FBXL18: variants seen among roughly 807,000 people sequenced by gnomAD.
The protein encoded by FBXL18 is F-box/LRR-repeat protein 18.
A neutral mutation model predicts 46.0 loss-of-function variants in FBXL18; 36 were observed. The ratio of observed to expected loss-of-function variants is 0.78; its 90% CI spans 0.60 to 1.03. FBXL18 has a LOEUF of 1.03. FBXL18 is among the 50% of genes least tolerant of loss of function. The probability of loss-of-function intolerance (pLI) is 0.00; values close to 1 mark genes in which losing one functional copy is unlikely to be tolerated. For missense variants in FBXL18, 977 were observed against 1,004.1 expected, an observed-to-expected ratio of 0.97 and a Z score of 0.36; for synonymous variants, 557 against 465.3, an observed-to-expected ratio of 1.20 and a Z score of -2.54.
Position 5,509,596 on chromosome 7 carries a change from G to T in FBXL18, c.19-3966C>A, listed in dbSNP as rs541762169. Among the ~76,000 whole-genome samples the T allele has an allele frequency of 4.4e-4, 67 of 151,652 alleles. 1 individual carries two copies. The highest frequency in any genetic ancestry group is 1.6e-3 in the African/African-American group (65 of 41,294). On this transcript the variant is annotated intron_variant, in intron 1 of 4. Coordinates refer to ENST00000382368, the MANE Select transcript of FBXL18 (RefSeq NM_024963.6). ...TCCACAGCAACTATCCAGCAACTCG[G>T]GGGGCTGAGGCAGAAGAATCGCTTG...
intron 2 of FBXL18, among the ~76,000 whole-genome samples, chr7:5,503,233 T>C (rs1005208305): frequency 1.3e-5 from 2 of 152,148 alleles, no homozygotes; most frequent in Admixed American, 6.6e-5. Context: ...AGAAAAAATA[T>C]ATTAGCCAGG....
chr7:5,500,836 A>G lies in FBXL18; in HGVS notation c.1433T>C (p.Leu478Pro), dbSNP rs1479028596. 6.2e-7 allele frequency: 1 copy of G among 1,611,612 alleles called. No individual in the cohort carries two copies. Among genetic ancestry groups the G allele is most frequent in the Non-Finnish European group, 8.5e-7 (1 of 1,179,204 alleles). ...CPQPSSVFWSLLKNLPFLEHL... is the reference protein window; with the variant it reads ...CPQPSSVFWSPLKNLPFLEHL... ...TTCCAGGAAGGGCAGGTTCTTCAGC[A>G]GAGACCAGAACACGGAGGAGGGCTG... Residue 478 changes from leucine to proline, a missense_variant, in exon 3 of 5, where the codon CTG becomes CCG. By Grantham distance (98) the Leu-to-Pro change is moderately conservative. Coordinates refer to ENST00000382368, the MANE Select transcript of FBXL18 (RefSeq NM_024963.6).
chr7:5,482,213 C>T (rs1327955575), intron 4 of FBXL18, among the ~76,000 whole-genome samples: 3 of 152,324 alleles, frequency 2.0e-5, no homozygotes, highest in Non-Finnish European at 2.9e-5. Context: ...TCAGAGGCCC[C>T]GGAGGCCAAC....
intron 3 of FBXL18, among the ~76,000 whole-genome samples, chr7:5,494,029 T>C (rs1439462232): frequency 6.6e-6 from 1 of 151,750 alleles, no homozygotes; most frequent in Non-Finnish European, 1.5e-5. Context: ...TCCCAGCACT[T>C]TGGGAGGCCG....
chr7:5,477,654 T>C lies in FBXL18; in HGVS notation c.*4121A>G, dbSNP rs7795302. On this transcript the variant is annotated 3_prime_UTR_variant, in exon 5 of 5. Coordinates refer to ENST00000382368, the MANE Select transcript of FBXL18 (RefSeq NM_024963.6). This position sits in a 1 kb window ranked among gnomAD's most constrained non-coding sequence, Gnocchi z 4.4. ...GAGGTGGAGGTTGTAGTGAGTGAGC[T>C]GAGATCGTGCCACTGCACTCCAGCC... The C allele has an allele frequency of 0.93, 141,164 of 151,698 alleles. 65,778 individuals are homozygous for C. The highest frequency in any genetic ancestry group is 0.97 in the African/African-American group (40,229 of 41,358). The allele number at this position is 151,698 out of a possible 1,614,324, so 9.4% of individuals were successfully genotyped here. A position where few individuals can be genotyped will look rare whatever the true frequency, so the allele number is the denominator to read the frequency against.
intron 4 of FBXL18, among the ~76,000 whole-genome samples, chr7:5,463,742 T>C (rs372287722): frequency 1.4e-5 from 1 of 72,974 alleles, no homozygotes; most frequent in Non-Finnish European, 2.6e-5. Flanking sequence ...TTTTTTTTTT[T>C]TTTTTTTTTT....
intron 4 of FBXL18, among the ~76,000 whole-genome samples, chr7:5,487,923 C>T (rs1198450388): frequency 6.6e-6 from 1 of 152,232 alleles, no homozygotes; most frequent in East Asian, 1.9e-4. Flanking sequence ...CGGCTTCTGC[C>T]GAGGAAGTCC....
Position 5,480,784 on chromosome 7 carries a change from G to A in FBXL18, c.*991C>T, listed in dbSNP as rs890038775. The A allele has an allele frequency of 1.6e-4, 24 of 151,570 alleles. No individual in the cohort carries two copies. The highest frequency in any genetic ancestry group is 5.8e-4 in the African/African-American group (24 of 41,228). 9.4% of individuals were successfully genotyped at this position (151,570 alleles called of 1,614,324 possible). On this transcript the variant is annotated 3_prime_UTR_variant, in exon 5 of 5. Transcript: ENST00000382368. The stretch of plus-strand genomic sequence containing the variant: ...TCACCATGTTGGCCAGGCTGGTCTT[G>A]AACTCCTGACCTCGTGATCCACCCA...
chr7:5,497,160 C>G (rs1260124215), intron 3 of FBXL18, among the ~76,000 whole-genome samples: 4 of 151,824 alleles, frequency 2.6e-5, no homozygotes, highest in African/African-American at 9.7e-5. Flanking sequence ...TGTGATCATG[C>G]CACTGCACTC....
intron 3 of FBXL18, among the ~76,000 whole-genome samples, chr7:5,498,011 G>A (rs1176239608): frequency 6.6e-6 from 1 of 151,650 alleles, no homozygotes; most frequent in Non-Finnish European, 1.5e-5. Flanking sequence ...CCCCCACCCA[G>A]TCCCTGGTAG....
rs1179815330 is a variant in FBXL18, at chr7:5,455,337, GCACATACTTGAACATTCTCAGGC to G, written c.2001-7517_2001-7495del. On this transcript the variant is annotated intron_variant and NMD_transcript_variant, in intron 4 of 6. Transcript: ENST00000415009. This position sits in a 1 kb window ranked among gnomAD's most constrained non-coding sequence, Gnocchi z 4.6. ...GTAGCACTCTCAAGGAGCACTCAGG[GCACATACTTGAACATTCTCAGGC>G]CACATACTTGGGGAGCACCCTCAGG... 1.3e-5 allele frequency among the ~76,000 whole-genome samples: 2 copies of G among 151,966 alleles called. No individual in the cohort carries two copies. The highest frequency in any genetic ancestry group is 2.9e-5 in the Non-Finnish European group (2 of 67,960).
At chr7:5,474,663 G>C (rs114315905), downstream of FBXL18, among the ~76,000 whole-genome samples, 2,798 of 123,884 alleles carry the variant, frequency 0.023, 98 homozygotes, top group African/African-American at 0.082. Context: ...AAAATCCTCC[G>C]CTGGCAAATT....
chr7:5,491,493 G>C (rs371175397), intron 3 of FBXL18, 44 bp from the exon 4 acceptor site: 2 of 1,483,470 alleles, frequency 1.3e-6, no homozygotes, highest in African/African-American at 1.4e-5. Flanking sequence ...GGAGGGGCTC[G>C]CAGGCCAGGC....
Position 5,500,979 on chromosome 7 carries a change from C to G in FBXL18, c.1290G>C (p.Pro430=). The change falls in exon 3 of 5, where the codon CCG becomes CCC. Residue 430 remains proline, a synonymous_variant. Transcript: ENST00000382368. ...LPVCSVADSA[P]RADRAPAQPA... ...GCTGGGCGGGCGCGCGGTCGGCGCG[C>G]GGCGCGGAGTCAGCGACAGAGCAGA... is the stretch of plus-strand genomic sequence containing the variant. 1.9e-6 allele frequency: 3 copies of G among 1,546,346 alleles called. No individual in the cohort carries two copies. The highest frequency in any genetic ancestry group is 1.2e-5 in the South Asian group (1 of 81,066).
At chr7:5,495,488 C>G (rs1480012172) in intron 3 of FBXL18, among the ~76,000 whole-genome samples, 1 of 152,186 alleles carries the variant, frequency 6.6e-6, no homozygotes, top group Non-Finnish European at 1.5e-5. Context: ...TTGTAATCCC[C>G]TTACTACTGA....
intron 4 of FBXL18, among the ~76,000 whole-genome samples, chr7:5,490,381 C>T (rs1268101442): frequency 6.6e-6 from 1 of 152,218 alleles, no homozygotes; most frequent in Non-Finnish European, 1.5e-5. Context: ...CTCCAGGAAT[C>T]GCCTCCTCCT....
intron 1 of FBXL18, among the ~76,000 whole-genome samples, chr7:5,506,739 T>A (rs1209459784): frequency 3.3e-5 from 5 of 152,168 alleles, no homozygotes; most frequent in African/African-American, 1.2e-4. Context: ...GTGTTTTTAG[T>A]AAAGACGGGG....
rs779543541 is a variant in FBXL18, at chr7:5,500,964, C to T, written c.1305G>A (p.Ala435=). ...CTGCGTGCATGGCCGGCTGGGCGGGCGCGCGGTCGGCGCGCGGCGCGGAGT... is the reference window on the plus strand; with the variant it reads ...CTGCGTGCATGGCCGGCTGGGCGGGTGCGCGGTCGGCGCGCGGCGCGGAGT... ...VADSAPRADR[A]PAQPAMHAVP... The change falls in exon 3 of 5, where the codon GCG becomes GCA. Residue 435 remains alanine (A), a synonymous_variant. Transcript: ENST00000382368. The T allele has an allele frequency of 3.3e-6, 5 of 1,535,024 alleles. No individual in the cohort carries two copies. The highest frequency in any genetic ancestry group is 1.3e-5 in the South Asian group (1 of 79,142).
chr7:5,487,934 T>C (rs932430767), intron 4 of FBXL18, among the ~76,000 whole-genome samples: 15 of 152,244 alleles, frequency 9.9e-5, no homozygotes, highest in African/African-American at 3.4e-4. Flanking sequence ...GAGGAAGTCC[T>C]GAGGCTGCTC....
Sources: allele counts gnomAD v4.1 joint callset (sites outside exome capture counted in the v4.1 genomes callset), GRCh38; gene constraint gnomAD v4.1.1; non-coding constraint Gnocchi (gnomAD v3.1); transcripts MANE v1.5; gene names NCBI Gene and HGNC (gene_info 2026-07-23, HGNC 2026-07-21).